ZC3H4: variants seen among roughly 807,000 people sequenced by gnomAD.
The protein encoded by ZC3H4 is zinc finger CCCH-type containing 4, also known as zinc finger CCCH domain-containing protein 4.
In ZC3H4, 13 loss-of-function variants were observed where a neutral mutation model predicts 108.3. The ratio of observed to expected loss-of-function variants is 0.12; its 90% CI spans 0.08 to 0.19. The LOEUF is 0.19. Among genes scored for constraint, ZC3H4 ranks in the 10% least tolerant of loss-of-function variants. The pLI, the probability that ZC3H4 is intolerant of heterozygous loss-of-function variation, is 1.00. For missense variants in ZC3H4, 1,734 were observed against 1,838.8 expected (o/e 0.94, Z 1.04); for synonymous variants, 917 against 749.6 (o/e 1.22, Z -3.65).
chr19:47,087,290 A>G (rs2057646445), intron 5 of ZC3H4, among the ~76,000 whole-genome samples: 1 of 94,836 alleles, frequency 1.1e-5, no homozygotes, highest in African/African-American at 3.2e-5. Context: ...ACACACACAC[A>G]CACACACAAA....
rs573317336 is a variant in ZC3H4 at position 47,084,546 on chromosome 19, G to A, written c.1108-91C>T. The stretch of plus-strand genomic sequence containing the variant: ...AATAAGAAGCACGGGAGAAGGGGAT[G>A]AGGGGTCCCTTCAGATCTCACAAGA... On this transcript the variant is annotated intron_variant, in intron 8 of 14. Coordinates refer to ENST00000253048, the MANE Select transcript of ZC3H4 (RefSeq NM_015168.2). 830 of 1,259,962 alleles carry A rather than the reference G, an allele frequency of 6.6e-4. 1 individual carries two copies. Among genetic ancestry groups the A allele is most frequent in the Non-Finnish European group, 8.7e-4 (764 of 873,302 alleles). 78.0% of individuals were successfully genotyped at this position (1,259,962 alleles called of 1,614,324 possible).
chr19:47,109,283 G>T (rs181302478), intron 2 of ZC3H4, among the ~76,000 whole-genome samples: 17 of 152,332 alleles, frequency 1.1e-4, no homozygotes, highest in Admixed American at 2.6e-4. Context: ...AAACCGTTGT[G>T]TTGACATGCC....
At chr19:47,091,173 G>A (rs1465969582) in intron 4 of ZC3H4, among the ~76,000 whole-genome samples, 1 of 152,202 alleles carries the variant, frequency 6.6e-6, no homozygotes, top group Non-Finnish European at 1.5e-5. Flanking sequence ...TTGAGAGGCT[G>A]AGGCAGGAGA....
chr19:47,066,509 G>A lies in ZC3H4; in HGVS notation c.3759C>T (p.Pro1253=), dbSNP rs780437648. ...TCTGCTTCACCGTCCCGAAGAGGGT[G>A]GGCACGGGCAGGTTGTGCACCCCGG... The part of the protein sequence containing the change: ...PQPGVHNLPV[P]TLFGTVKQTP... The change falls in exon 15 of 15, where the codon CCC becomes CCT. Residue 1253 remains proline (P), a synonymous_variant. Transcript: ENST00000253048. 1 of 1,575,106 alleles carries A rather than the reference G, an allele frequency of 6.3e-7. No individual in the cohort carries two copies. Among genetic ancestry groups the A allele is most frequent in the Non-Finnish European group, 8.6e-7 (1 of 1,159,644 alleles).
At position 47,090,018 on chromosome 19, in the gene ZC3H4, T is replaced by C. The variant is rs921428613; in HGVS notation, c.664A>G (p.Lys222Glu). Residue 222 changes from lysine to glutamate, a missense_variant, in exon 5 of 15, where the codon AAA (lysine) becomes GAA (glutamate). Lys to Glu is a moderately conservative substitution (Grantham distance 56, BLOSUM62 1). Coordinates refer to ENST00000253048, the MANE Select transcript of ZC3H4 (RefSeq NM_015168.2). ...GCACGCCGGTACTGGTTCAGCTCTT[T>C]GGTGAAGTCGTCATAGTCCTCCTTG... ...MGKEDYDDFT[K>E]ELNQYRRAKE... The C allele has an allele frequency of 1.2e-6, 2 of 1,614,072 alleles. No individual in the cohort carries two copies. Among genetic ancestry groups the C allele is most frequent in the Non-Finnish European group, 1.7e-6 (2 of 1,180,022 alleles).
At position 47,067,968 on chromosome 19, in the gene ZC3H4, G is replaced by A; in HGVS notation, c.2399-99C>T. On this transcript the variant is annotated intron_variant, in intron 14 of 14. Coordinates refer to ENST00000253048, the MANE Select transcript of ZC3H4 (RefSeq NM_015168.2). The surrounding 1 kb of genome is among the most constrained non-coding windows in gnomAD (Gnocchi z 6.4). Reference sequence around the variant, plus strand: ...CCCACCGTGAGCAGCTCCTTTGCTTGTGCCTCTCAGAACCTCAGGTCCTCC... The same window carrying A: ...CCCACCGTGAGCAGCTCCTTTGCTTATGCCTCTCAGAACCTCAGGTCCTCC... 8.3e-7 allele frequency: 1 copy of A among 1,204,632 alleles called. No homozygotes were observed. The highest frequency in any genetic ancestry group is 2.1e-5 in the Admixed American group (1 of 47,486). The allele number at this position is 1,204,632 out of a possible 1,614,324, so 74.6% of individuals were successfully genotyped here. A position where few individuals can be genotyped will look rare whatever the true frequency, so the allele number is the denominator to read the frequency against.
rs1367516853 is a variant in ZC3H4 at position 47,066,198 on chromosome 19, T to A, written c.*158A>T. ...AATTTACAAATCTCAAAGAAAGTAC[T>A]ACTTTAAAAAAAAATAAAAGAGACG... On this transcript the variant is annotated 3_prime_UTR_variant, in exon 15 of 15. Transcript: ENST00000253048. 1 of 580,938 alleles carries A rather than the reference T, an allele frequency of 1.7e-6. No homozygotes were observed. The highest frequency in any genetic ancestry group is 2.8e-6 in the Non-Finnish European group (1 of 354,822). The allele number at this position is 580,938 out of a possible 1,614,324, so 36.0% of individuals were successfully genotyped here.
At chr19:47,100,584 T>C (rs1244464163) in intron 2 of ZC3H4, among the ~76,000 whole-genome samples, 1 of 151,752 alleles carries the variant, frequency 6.6e-6, no homozygotes, top group Non-Finnish European at 1.5e-5. Context: ...AGACACCTAC[T>C]GGTGGATGTG....
rs117506048 is a variant in ZC3H4, at chr19:47,110,983, G to A, written c.161+1441C>T. On this transcript the variant is annotated intron_variant, in intron 2 of 14. Transcript: ENST00000253048. ...TGTGAAGGAGAAAGGGGAAAGGGGA[G>A]GTGGGAGTGGGGAGAAGGGGTCGTA... 1.9e-4 allele frequency: 177 copies of A among 937,340 alleles called. 1 individual carries two copies. The East Asian group carries it at 0.013, about 71-fold the overall frequency. 58.1% of individuals were successfully genotyped at this position (937,340 alleles called of 1,614,324 possible). A position where few individuals can be genotyped will look rare whatever the true frequency, so the allele number is the denominator to read the frequency against.
At chr19:47,111,231 C>T (rs905029305) in intron 2 of ZC3H4, among the ~76,000 whole-genome samples, 1 of 152,230 alleles carries the variant, frequency 6.6e-6, no homozygotes, top group Non-Finnish European at 1.5e-5. Context: ...CACCAGGAAA[C>T]AGTGGGCGAA....
In ZC3H4 at chr19:47,077,384, C is replaced by G. The variant is rs189445811; in HGVS notation, c.1440+4129G>C. 2.4e-3 allele frequency among the ~76,000 whole-genome samples: 357 copies of G among 151,736 alleles called. 1 individual carries two copies. The highest frequency in any genetic ancestry group is 4.1e-3 in the Non-Finnish European group (276 of 67,966). On this transcript the variant is annotated intron_variant, in intron 11 of 14. Transcript: ENST00000253048. ...TCAGGAGGCTGAGACAGGAGAATCA[C>G]TTGAACCCAGGAGGCGGAGGTTGCA...
At position 47,066,968 on chromosome 19, in the gene ZC3H4, A is replaced by T; in HGVS notation, c.3300T>A (p.Ala1100=). 6.3e-7 allele frequency: 1 copy of T among 1,592,400 alleles called. No individual in the cohort carries two copies. The highest frequency in any genetic ancestry group is 1.3e-5 in the African/African-American group (1 of 74,588). Residue 1100 remains alanine (A), a synonymous_variant, in exon 15 of 15, where the codon GCT becomes GCA. Transcript: ENST00000253048. ...ASSRAAKPGP[A]EAPSPTASPS... is the part of the protein sequence containing the mutation. ...GGCTGGCGGTGGGAGAGGGCGCCTCAGCAGGGCCGGGCTTGGCAGCCCGGG... is the reference window on the plus strand; with the variant it reads ...GGCTGGCGGTGGGAGAGGGCGCCTCTGCAGGGCCGGGCTTGGCAGCCCGGG...
At position 47,067,352 on chromosome 19, in the gene ZC3H4, G is replaced by A. The variant is rs761101923; in HGVS notation, c.2916C>T (p.Ser972=). 6.2e-7 allele frequency: 1 copy of A among 1,605,232 alleles called. No individual in the cohort carries two copies. The highest frequency in any genetic ancestry group is 1.1e-5 in the South Asian group (1 of 89,880). ...IKKDVTLSKP[S]FARTVLWNPE... Reference sequence around the variant, plus strand: ...GATTCCAGAGCACGGTGCGGGCGAAGCTGGGCTTGCTCAGGGTCACGTCCT... The same window carrying A: ...GATTCCAGAGCACGGTGCGGGCGAAACTGGGCTTGCTCAGGGTCACGTCCT... Residue 972 remains serine (S), a synonymous_variant, in exon 15 of 15, where the codon AGC becomes AGT. Transcript: ENST00000253048. The surrounding 1 kb of genome is among the most constrained non-coding windows in gnomAD (Gnocchi z 6.4).
intron 9 of ZC3H4, among the ~76,000 whole-genome samples, chr19:47,083,372 A>AT (rs1442014682): frequency 3.3e-5 from 5 of 151,616 alleles, no homozygotes; most frequent in Non-Finnish European, 5.9e-5. Flanking sequence ...GGGTGTATTC[A>AT]TTTGTTCTTG....
At chr19:47,108,246 C>A (rs899177141) in intron 2 of ZC3H4, among the ~76,000 whole-genome samples, 2 of 152,168 alleles carry the variant, frequency 1.3e-5, no homozygotes, top group Non-Finnish European at 2.9e-5. Flanking sequence ...CGGTGTGAAT[C>A]GGACCCAGTT....
At chr19:47,088,897 T>TC (rs2057680146) in intron 5 of ZC3H4, among the ~76,000 whole-genome samples, 1 of 152,004 alleles carries the variant, frequency 6.6e-6, no homozygotes, top group African/African-American at 2.4e-5. Context: ...CAGGGAGGTA[T>TC]CCAAGAAAGA....
chr19:47,066,575 G>A lies in ZC3H4; in HGVS notation c.3693C>T (p.Ala1231=), dbSNP rs781682901. Reference sequence around the variant, plus strand: ...CCTCGGGGGGTGGGGTGGCGGTGGTGGCAGCGGGGGCTGCAGCAGCCTTGG... The same window carrying A: ...CCTCGGGGGGTGGGGTGGCGGTGGTAGCAGCGGGGGCTGCAGCAGCCTTGG... ...PRPKAAAAPA[A]TTATPPPEGA... is the part of the protein sequence containing the mutation. Residue 1231 remains alanine, a synonymous_variant, in exon 15 of 15, where the codon GCC becomes GCT. Transcript: ENST00000253048. 7 of 1,587,678 alleles carry A rather than the reference G, an allele frequency of 4.4e-6. No individual in the cohort carries two copies. Among genetic ancestry groups the A allele is most frequent in the South Asian group, 1.1e-5 (1 of 87,080 alleles).
chr19:47,100,368 T>G (rs1467025273), intron 2 of ZC3H4, among the ~76,000 whole-genome samples: 1 of 152,156 alleles, frequency 6.6e-6, no homozygotes, highest in African/African-American at 2.4e-5. Flanking sequence ...GTGCTCTGTC[T>G]CCTTTTCTTC....
Position 47,072,996 on chromosome 19 carries a change from G to A in ZC3H4, c.1441-283C>T, listed in dbSNP as rs560498130. On this transcript the variant is annotated intron_variant, in intron 11 of 14. Coordinates refer to ENST00000253048, the MANE Select transcript of ZC3H4 (RefSeq NM_015168.2). This position sits in a 1 kb window ranked among gnomAD's most constrained non-coding sequence, Gnocchi z 5.6. ...CCATTTAAAGTGAACGATTCAGCTG[G>A]GCGCAGGGACTCACATCTGTAATCC... Among the ~76,000 whole-genome samples the A allele has an allele frequency of 6.6e-6, 1 of 152,336 alleles. No individual in the cohort carries two copies. The highest frequency in any genetic ancestry group is 2.4e-5 in the African/African-American group (1 of 41,580).
Sources: gnomAD v4.1 joint callset for allele counts (sites outside exome capture counted in the v4.1 genomes callset) on GRCh38, gnomAD v4.1.1 for gene constraint, Gnocchi (gnomAD v3.1) non-coding constraint, MANE v1.5 for transcripts, NCBI Gene and HGNC (gene_info 2026-07-23, HGNC 2026-07-21) for gene names.